FLT1: variants seen among roughly 807,000 people sequenced by gnomAD.
FLT1 encodes the protein fms related receptor tyrosine kinase 1.
FLT1 carries 49 observed loss-of-function variants against 156.3 expected under a neutral mutation model. The ratio of observed to expected loss-of-function variants is 0.31; its 90% CI spans 0.25 to 0.40. FLT1 has a LOEUF of 0.40. Ranked by LOEUF, FLT1 falls within the 10% of genes least tolerant of loss-of-function variation. The pLI is 1.00. For synonymous variants in FLT1, 594 were observed against 583.8 expected (o/e 1.02, Z -0.25); for missense variants, 1,322 against 1,637.2 (o/e 0.81, Z 3.32).
At chr13:28,319,793 T>G (rs960526293) in intron 23 of FLT1, among the ~76,000 whole-genome samples, 7 of 152,174 alleles carry the variant, frequency 4.6e-5, no homozygotes, top group African/African-American at 1.7e-4. Flanking sequence ...CTTATCTGCA[T>G]AGCTCTGTGA....
At chr13:28,436,124 C>A (rs1376545314) in intron 4 of FLT1, among the ~76,000 whole-genome samples, 1 of 152,214 alleles carries the variant, frequency 6.6e-6, no homozygotes, top group Non-Finnish European at 1.5e-5. Flanking sequence ...GACAAAGTAA[C>A]TTTACATTTA....
chr13:28,343,797 C>T (rs1003943758), intron 16 of FLT1, among the ~76,000 whole-genome samples: 14 of 151,922 alleles, frequency 9.2e-5, no homozygotes, highest in Non-Finnish European at 1.9e-4. Context: ...CGCCCTCCAC[C>T]ACGCCCGGCT....
At chr13:28,423,178 G>A (rs1877116776) in intron 10 of FLT1, among the ~76,000 whole-genome samples, 1 of 152,116 alleles carries the variant, frequency 6.6e-6, no homozygotes, top group Non-Finnish European at 1.5e-5. Flanking sequence ...CACATGCCCA[G>A]TCAGCCCACC....
At chr13:28,483,836 C>T (rs12876394) in intron 1 of FLT1, among the ~76,000 whole-genome samples, 80,325 of 151,976 alleles carry the variant, frequency 0.53, 21,551 homozygotes, top group South Asian at 0.64. Context: ...TTTTTTATTC[C>T]AAACCCTGAA....
rs750351993 is a variant in FLT1, at chr13:28,302,852, A to G, written c.*315T>C. 9.1e-6 allele frequency: 4 copies of G among 440,674 alleles called. No homozygotes were observed. Among genetic ancestry groups the G allele is most frequent in the Middle Eastern group, 6.4e-4 (1 of 1,572 alleles). 27.3% of individuals were successfully genotyped at this position (440,674 alleles called of 1,614,324 possible). A position where few individuals can be genotyped will look rare whatever the true frequency, so the allele number is the denominator to read the frequency against. On this transcript the variant is annotated 3_prime_UTR_variant, in exon 30 of 30. Transcript: ENST00000282397. ...ATTGGGTGATCAGTGCAGCTCCTCAATCAAACTGGTCCTGCGTGCCCTGAG... is the reference window on the plus strand; with the variant it reads ...ATTGGGTGATCAGTGCAGCTCCTCAGTCAAACTGGTCCTGCGTGCCCTGAG...
At chr13:28,422,807 C>T (rs1209663630) in intron 10 of FLT1, among the ~76,000 whole-genome samples, 3 of 152,186 alleles carry the variant, frequency 2.0e-5, no homozygotes, top group Admixed American at 6.5e-5. Context: ...TTAGATTCTT[C>T]CTGAGAAAAC....
In FLT1 at chr13:28,495,120, G is replaced by T. The variant is rs925643180; in HGVS notation, c.-277C>A. On this transcript the variant is annotated 5_prime_UTR_variant, in exon 1 of 30. Coordinates refer to ENST00000282397, the MANE Select transcript of FLT1 (RefSeq NM_002019.4). The surrounding 1 kb of genome is among the most constrained non-coding windows in gnomAD (Gnocchi z 4.1). Reference sequence around the variant, plus strand: ...CCTGGCGCGCTCCGAGCCTCCCGCGGACCTCGATGAAGAGCAGCCGAGGGC... The same window carrying T: ...CCTGGCGCGCTCCGAGCCTCCCGCGTACCTCGATGAAGAGCAGCCGAGGGC... The T allele has an allele frequency of 3.2e-5, 14 of 440,374 alleles. No homozygotes were observed. In the East Asian group the frequency reaches 5.2e-4, roughly 16 times the overall value. 27.3% of individuals were successfully genotyped at this position (440,374 alleles called of 1,614,324 possible).
Position 28,322,064 on chromosome 13 carries a change from A to G in FLT1, c.3051+198T>C, listed in dbSNP as rs1201536029. Among the ~76,000 whole-genome samples the G allele has an allele frequency of 5.3e-5, 8 of 152,210 alleles. No individual in the cohort carries two copies. The highest frequency in any genetic ancestry group is 5.2e-4 in the Admixed American group (8 of 15,286). On this transcript the variant is annotated intron_variant, in intron 22 of 29. Coordinates refer to ENST00000282397, the MANE Select transcript of FLT1 (RefSeq NM_002019.4). The surrounding 1 kb of genome is among the most constrained non-coding windows in gnomAD (Gnocchi z 4.3). ...TCTGAAACCTGTGAGTTTTCCCCAG[A>G]ATTAAGTTCTATCCACTGGTATCCA...
intron 6 of FLT1, among the ~76,000 whole-genome samples, chr13:28,432,722 G>A (rs1446770884): frequency 1.3e-5 from 2 of 152,214 alleles, no homozygotes; most frequent in Non-Finnish European, 2.9e-5. Context: ...GGACAGTGCT[G>A]TTTTAGAAGA....
chr13:28,483,394 T>A (rs1880969963), intron 1 of FLT1, among the ~76,000 whole-genome samples: 1 of 152,166 alleles, frequency 6.6e-6, no homozygotes, highest in Non-Finnish European at 1.5e-5. Context: ...ATAGACACCA[T>A]GCATATTTTT....
rs148588802 is a variant in FLT1, at chr13:28,317,458, C to T, written c.3386+40G>A. 3,833 of 1,277,990 alleles carry T rather than the reference C, an allele frequency of 3.0e-3. 12 individuals are homozygous for T. The highest frequency in any genetic ancestry group is 3.7e-3 in the Non-Finnish European group (3,274 of 873,950). The allele number at this position is 1,277,990 out of a possible 1,614,324, so 79.2% of individuals were successfully genotyped here. A position where few individuals can be genotyped will look rare whatever the true frequency, so the allele number is the denominator to read the frequency against. On this transcript the variant is annotated intron_variant, in intron 25 of 29. Coordinates refer to ENST00000282397, the MANE Select transcript of FLT1 (RefSeq NM_002019.4). ...CTCTCAGGAATGCCCTGGTGAAAAG[C>T]GAGCTGTCAGATGGGGAGCAGAGGG...
intron 4 of FLT1, among the ~76,000 whole-genome samples, chr13:28,437,710 C>T (rs1362381024): frequency 6.6e-6 from 1 of 151,966 alleles, no homozygotes; most frequent in Non-Finnish European, 1.5e-5. Flanking sequence ...CCCTTTTTCC[C>T]TAAGAGATGA....
At chr13:28,372,991 A>G (rs1357590889) in intron 14 of FLT1, among the ~76,000 whole-genome samples, 4 of 152,244 alleles carry the variant, frequency 2.6e-5, no homozygotes, top group Admixed American at 2.0e-4. Flanking sequence ...TTTAAAAGCT[A>G]TATGAGTTCA....
chr13:28,304,837 G>A (rs1483945131), intron 29 of FLT1, among the ~76,000 whole-genome samples: 1 of 152,022 alleles, frequency 6.6e-6, no homozygotes, highest in Non-Finnish European at 1.5e-5. Flanking sequence ...TATTTTCAAG[G>A]TTCATCCATA....
chr13:28,427,087 G>T, intron 10 of FLT1, 72 bp downstream of exon 10: 1 of 1,347,604 alleles, frequency 7.4e-7, no homozygotes, highest in Non-Finnish European at 1.1e-6. Flanking sequence ...TCCCATCTGC[G>T]TCCATTAAAA....
intron 1 of FLT1, among the ~76,000 whole-genome samples, chr13:28,474,449 C>T (rs542383583): frequency 6.8e-6 from 1 of 147,622 alleles, no homozygotes; most frequent in Non-Finnish European, 1.5e-5. Flanking sequence ...GAAACTCTGT[C>T]TCAAAAACAA....
At chr13:28,376,907 GTTTGCAAACCTTAAATAT>G (rs1474201906) in intron 14 of FLT1, among the ~76,000 whole-genome samples, 1 of 152,122 alleles carries the variant, frequency 6.6e-6, no homozygotes, top group Non-Finnish European at 1.5e-5. Context: ...TCCAAGTCTG[GTTTGCAAACCTTAAATAT>G]TTTTAGCCCA....
chr13:28,401,418 G>C (rs1259074757), intron 11 of FLT1, among the ~76,000 whole-genome samples: 1 of 152,168 alleles, frequency 6.6e-6, no homozygotes, highest in African/African-American at 2.4e-5. Flanking sequence ...AGCAAGTACT[G>C]TAAGTTTGGA....
rs549797762 is a variant in FLT1, at chr13:28,459,591, T to A, written c.388+7312A>T. On this transcript the variant is annotated intron_variant, in intron 3 of 29. Transcript: ENST00000282397. ...TAGACATTAACCAAGCAATATTAGA[T>A]AACGTCATGGATTTCCTAAGAAATC... is the stretch of plus-strand genomic sequence containing the variant. Among the ~76,000 whole-genome samples the A allele has an allele frequency of 9.8e-5, 15 of 152,302 alleles. No homozygotes were observed. The South Asian group carries it at 2.9e-3, about 29-fold the overall frequency.
Sources: allele counts gnomAD v4.1 joint callset (sites outside exome capture counted in the v4.1 genomes callset), GRCh38; gene constraint gnomAD v4.1.1; non-coding constraint Gnocchi (gnomAD v3.1); transcripts MANE v1.5; gene names NCBI Gene and HGNC (gene_info 2026-07-23, HGNC 2026-07-21).